The following POU2AF2 variants were observed in gnomAD, a reference collection of about 807,000 sequenced individuals.
The protein encoded by POU2AF2 is POU class 2 homeobox associating factor 2.
the POU2AF2 span, among the ~76,000 whole-genome samples, chr11:111,261,816 T>C: frequency 2.6e-5 from 4 of 152,326 alleles, no homozygotes; most frequent in Non-Finnish European, 5.9e-5. Context: ...CAAGTTAATA[T>C]CCTACATAAA....
the POU2AF2 span, among the ~76,000 whole-genome samples, chr11:111,280,057 A>AAAT: frequency 3.7e-3 from 286 of 76,500 alleles, 2 homozygotes; most frequent in Non-Finnish European, 5.8e-3. Flanking sequence ...AAAAAAAAAA[A>AAAT]ATATATATAT....
the POU2AF2 span, among the ~76,000 whole-genome samples, chr11:111,263,641 C>T: frequency 6.6e-6 from 1 of 152,028 alleles, no homozygotes; most frequent in African/African-American, 2.4e-5. Context: ...CCATATTGGC[C>T]AGGCTGGTCT....
At chr11:111,247,605 G>T in the POU2AF2 span, among the ~76,000 whole-genome samples, 1 of 151,992 alleles carries the variant, frequency 6.6e-6, no homozygotes, top group African/African-American at 2.4e-5. Flanking sequence ...GGCCAACATG[G>T]TGAAACCCCC....
At chr11:111,264,536 G>A in the POU2AF2 span, among the ~76,000 whole-genome samples, 1 of 63,028 alleles carries the variant, frequency 1.6e-5, no homozygotes, top group South Asian at 8.8e-4. Context: ...AAGAAAGAAA[G>A]AAAGAAAGAA....
chr11:111,256,071 G>C, the POU2AF2 span: 1 of 399,112 alleles, frequency 2.5e-6, no homozygotes, highest in Non-Finnish European at 4.4e-6. Context: ...GATCCGGGCA[G>C]ACAAGTAACT....
the POU2AF2 span, among the ~76,000 whole-genome samples, chr11:111,253,685 T>C: frequency 6.6e-6 from 1 of 152,148 alleles, no homozygotes; most frequent in African/African-American, 2.4e-5. Context: ...AAAATGCAAA[T>C]CAAACCAACA....
At chr11:111,274,776 T>C in the POU2AF2 span, among the ~76,000 whole-genome samples, 1 of 152,072 alleles carries the variant, frequency 6.6e-6, no homozygotes, top group Non-Finnish European at 1.5e-5. Flanking sequence ...TTTTTAATTG[T>C]TGAGTTATTA....
the POU2AF2 span, among the ~76,000 whole-genome samples, chr11:111,263,192 T>C: frequency 2.0e-5 from 3 of 152,352 alleles, no homozygotes; most frequent in Admixed American, 2.0e-4. Flanking sequence ...GTATTCACTT[T>C]TAAGACTTAA....
the POU2AF2 span, among the ~76,000 whole-genome samples, chr11:111,253,681 C>T: frequency 6.6e-6 from 1 of 152,208 alleles, no homozygotes; most frequent in African/African-American, 2.4e-5. Flanking sequence ...ATATAAAATG[C>T]AAATCAAACC....
At chr11:111,264,508 GAA>G in the POU2AF2 span, among the ~76,000 whole-genome samples, 1 of 25,060 alleles carries the variant, frequency 4.0e-5, no homozygotes, top group Admixed American at 7.7e-4. Context: ...AAGAAAGAAA[GAA>G]AGAAAGAAAG....
chr11:111,258,366 G>A, the POU2AF2 span, among the ~76,000 whole-genome samples: 1 of 152,148 alleles, frequency 6.6e-6, no homozygotes, highest in Non-Finnish European at 1.5e-5. Context: ...TCCATTGTCA[G>A]GGAATAAACA....
chr11:111,264,448 A>G, the POU2AF2 span, among the ~76,000 whole-genome samples: 1 of 151,104 alleles, frequency 6.6e-6, no homozygotes. Flanking sequence ...GTGAGGCGAG[A>G]TTGCACCACT....
the POU2AF2 span, among the ~76,000 whole-genome samples, chr11:111,282,104 GA>G: frequency 8.8e-3 from 1,287 of 145,834 alleles, 9 homozygotes; most frequent in Admixed American, 0.014. Context: ...GCCTTCTACA[GA>G]AAAAAAAAAG....
the POU2AF2 span, among the ~76,000 whole-genome samples, chr11:111,272,603 C>A: frequency 6.6e-6 from 1 of 152,172 alleles, no homozygotes; most frequent in Admixed American, 6.5e-5. Flanking sequence ...CCAGGAAATG[C>A]TAGTCTTCTC....
At chr11:111,245,826 A>G in the POU2AF2 span, 1 of 399,000 alleles carries the variant, frequency 2.5e-6, no homozygotes, top group South Asian at 1.3e-4. Flanking sequence ...ACTGCTGTTA[A>G]GAAGGAAATC....
chr11:111,271,001 G>T, the POU2AF2 span, among the ~76,000 whole-genome samples: 2 of 152,088 alleles, frequency 1.3e-5, no homozygotes, highest in Admixed American at 1.3e-4. Flanking sequence ...ATTTCCTCGA[G>T]CAATATTTTC....
At chr11:111,247,869 A>G in the POU2AF2 span, among the ~76,000 whole-genome samples, 2 of 140,308 alleles carry the variant, frequency 1.4e-5, no homozygotes, top group African/African-American at 5.5e-5. Flanking sequence ...CTTGGAGACT[A>G]TAAGTGGCCT....
the POU2AF2 span, among the ~76,000 whole-genome samples, chr11:111,252,350 T>G: frequency 6.6e-6 from 1 of 152,118 alleles, no homozygotes; most frequent in African/African-American, 2.4e-5. Context: ...CACCCTAGGG[T>G]TTCTGATTCG....
the POU2AF2 span, among the ~76,000 whole-genome samples, chr11:111,250,394 A>G: frequency 6.6e-6 from 1 of 152,246 alleles, no homozygotes; most frequent in Non-Finnish European, 1.5e-5. Flanking sequence ...TGGTTTCCAT[A>G]CGTTACAACA....
Sources: allele counts gnomAD v4.1 joint callset (sites outside exome capture counted in the v4.1 genomes callset), GRCh38; gene constraint gnomAD v4.1.1; transcripts MANE v1.5; gene names NCBI Gene and HGNC (gene_info 2026-07-23, HGNC 2026-07-21).